NEK5: variants seen among roughly 807,000 people sequenced by gnomAD.
NEK5 encodes the protein serine/threonine-protein kinase Nek5.
Under a neutral mutation model 109.2 loss-of-function variants are expected in NEK5, and 88 were observed. That is an observed-to-expected ratio of 0.81 (90% CI 0.68 to 0.96). The LOEUF is 0.96. Among genes scored for constraint, NEK5 ranks in the 40% least tolerant of loss-of-function variants. The pLI, the probability that NEK5 is intolerant of heterozygous loss-of-function variation, is 0.00. For missense variants in NEK5, 834 were observed against 920.7 expected, an observed-to-expected ratio of 0.91 and a Z score of 1.22; for synonymous variants, 283 against 299.9, an observed-to-expected ratio of 0.94 and a Z score of 0.58.
At chr13:52,091,120 G>C (rs1372635374) in intron 13 of NEK5, among the ~76,000 whole-genome samples, 1 of 152,168 alleles carries the variant, frequency 6.6e-6, no homozygotes, top group African/African-American at 2.4e-5. Context: ...CAAAGAGGAG[G>C]GGTTACCAGG....
At chr13:52,046,079 A>AG (rs1371444108) in intron 23 of NEK5, among the ~76,000 whole-genome samples, 1 of 151,590 alleles carries the variant, frequency 6.6e-6, no homozygotes, top group African/African-American at 2.4e-5. Context: ...TCAAAAAAAA[A>AG]AAAAAAAAAG....
At chr13:52,085,309 T>C (rs1955120308) in intron 16 of NEK5, among the ~76,000 whole-genome samples, 1 of 152,214 alleles carries the variant, frequency 6.6e-6, no homozygotes, top group African/African-American at 2.4e-5. Context: ...CCCAGCCATG[T>C]GAAACTGTGC....
chr13:52,080,770 C>A (rs543599991), intron 17 of NEK5, among the ~76,000 whole-genome samples: 1 of 151,990 alleles, frequency 6.6e-6, no homozygotes, highest in African/African-American at 2.4e-5. Context: ...GCCGCAGGGT[C>A]CTCTGCCTAG....
chr13:52,053,883 C>T (rs1027729377), intron 22 of NEK5, among the ~76,000 whole-genome samples: 5 of 152,186 alleles, frequency 3.3e-5, no homozygotes, highest in Non-Finnish European at 7.3e-5. Context: ...AGGCACTTTC[C>T]TTCTACTGCA....
chr13:52,064,757 T>C lies in NEK5; in HGVS notation c.1975+727A>G, dbSNP rs1016590595. On this transcript the variant is annotated intron_variant, in intron 21 of 23. Coordinates refer to ENST00000684899, the MANE Select transcript of NEK5 (RefSeq NM_001365552.1). ...TAGAAAGAAGTAGACATGGGAGACT[T>C]TTCATTTTGTTCCGTACTAAGAAAA... The C allele has an allele frequency of 2.6e-5, 6 of 235,106 alleles. No homozygotes were observed. In the Admixed American group the frequency reaches 2.7e-4, roughly 11 times the overall value. The allele number at this position is 235,106 out of a possible 1,614,324, so 14.6% of individuals were successfully genotyped here.
At chr13:52,045,677 A>C in intron 23 of NEK5, among the ~76,000 whole-genome samples, 1 of 148,078 alleles carries the variant, frequency 6.8e-6, no homozygotes, top group African/African-American at 2.5e-5. Context: ...AGGCAGGAGA[A>C]TGGCGTGAAC....
At chr13:52,101,520 T>C (rs1222988397) in intron 11 of NEK5, among the ~76,000 whole-genome samples, 6 of 152,228 alleles carry the variant, frequency 3.9e-5, no homozygotes, top group Non-Finnish European at 8.8e-5. Flanking sequence ...TAACTTCAGC[T>C]CCAATGGTCC....
intron 7 of NEK5, among the ~76,000 whole-genome samples, chr13:52,109,512 G>A (rs951078531): frequency 6.6e-6 from 1 of 152,074 alleles, no homozygotes; most frequent in Non-Finnish European, 1.5e-5. Flanking sequence ...CTCTTGTGGG[G>A]AAAATCTACA....
Position 52,076,139 on chromosome 13 carries a change from A to T in NEK5, c.1577T>A (p.Ile526Asn). The change falls in exon 18 of 24, where the codon ATT becomes AAT. Residue 526 changes from isoleucine to asparagine, a missense_variant. Ile to Asn is a moderately radical substitution (Grantham distance 149). Coordinates refer to ENST00000684899, the MANE Select transcript of NEK5 (RefSeq NM_001365552.1). ...CCTCATTTGTTTCAAGTCTTTTTCA[A>T]TGTCCTGAAAATTTAGAGAAAAATA... ...ASEGEAPVQD[I>N]EKDLKQMRLQ... 6.4e-7 allele frequency: 1 copy of T among 1,571,876 alleles called. No homozygotes were observed. The highest frequency in any genetic ancestry group is 1.1e-5 in the South Asian group (1 of 87,792).
chr13:52,047,073 C>A (rs1289796307), intron 23 of NEK5, among the ~76,000 whole-genome samples: 1 of 151,100 alleles, frequency 6.6e-6, no homozygotes, highest in Non-Finnish European at 1.5e-5. Context: ...ATCAATTATG[C>A]AATAATCCAA....
intron 23 of NEK5, among the ~76,000 whole-genome samples, chr13:52,041,801 A>G (rs1954417266): frequency 1.3e-5 from 2 of 151,848 alleles, no homozygotes; most frequent in South Asian, 2.1e-4. Context: ...TGAAAGTACA[A>G]TTAGGTACTA....
intron 11 of NEK5, 100 bp from the exon 12 acceptor site, chr13:52,099,976 C>T (rs1262583538): frequency 2.3e-6 from 2 of 873,266 alleles, no homozygotes; most frequent in East Asian, 2.6e-5. Context: ...TTTCATAACA[C>T]AGTAAGTTTA....
intron 19 of NEK5, among the ~76,000 whole-genome samples, chr13:52,073,628 C>T (rs1954817311): frequency 1.3e-5 from 2 of 151,986 alleles, no homozygotes; most frequent in Admixed American, 6.6e-5. Flanking sequence ...GAGCACCAAA[C>T]ATTTTTCTAG....
At chr13:52,096,316 C>A (rs567868182) in intron 12 of NEK5, among the ~76,000 whole-genome samples, 1 of 152,076 alleles carries the variant, frequency 6.6e-6, no homozygotes, top group East Asian at 1.9e-4. Flanking sequence ...GTTGGAAGAG[C>A]GTGGAGGGCT....
intron 3 of NEK5, among the ~76,000 whole-genome samples, chr13:52,125,481 T>C (rs1202786012): frequency 6.6e-6 from 1 of 152,178 alleles, no homozygotes; most frequent in South Asian, 2.1e-4. Context: ...GAGAATGGCA[T>C]GAACCTGGGA....
At chr13:52,084,383 A>G (rs1955075233) in intron 16 of NEK5, among the ~76,000 whole-genome samples, 1 of 151,984 alleles carries the variant, frequency 6.6e-6, no homozygotes, top group Middle Eastern at 3.4e-3. Flanking sequence ...ATGACCCACT[A>G]ATTTTTTAAA....
At chr13:52,116,507 G>A (rs138937091) in intron 4 of NEK5, among the ~76,000 whole-genome samples, 1,733 of 152,206 alleles carry the variant, frequency 0.011, 11 homozygotes, top group Non-Finnish European at 0.018. Context: ...GCAAGTAAAT[G>A]AAATCTATAA....
intron 21 of NEK5, chr13:52,065,088 C>T (rs902695314): frequency 2.9e-5 from 7 of 245,400 alleles, no homozygotes; most frequent in Admixed American, 4.8e-5. Flanking sequence ...GCCAAATCCC[C>T]CTCTGCGAGA....
rs145706506 is a variant in NEK5 at position 52,086,427 on chromosome 13, T to C, written c.1393-64A>G. The C allele has an allele frequency of 1.7e-4, 163 of 970,630 alleles. 1 individual carries two copies. The African/African-American group carries it at 2.5e-3, about 15-fold the overall frequency. The allele number at this position is 970,630 out of a possible 1,614,324, so 60.1% of individuals were successfully genotyped here. A position where few individuals can be genotyped will look rare whatever the true frequency, so the allele number is the denominator to read the frequency against. On this transcript the variant is annotated intron_variant, in intron 15 of 23. Transcript: ENST00000684899. Reference sequence around the variant, plus strand: ...TGAACACCATAACAAAAATAATCTTTCTGCAGCCTACAATTTCAAAAGTGT... The same window carrying C: ...TGAACACCATAACAAAAATAATCTTCCTGCAGCCTACAATTTCAAAAGTGT...
Sources: allele counts gnomAD v4.1 joint callset (sites outside exome capture counted in the v4.1 genomes callset), GRCh38; gene constraint gnomAD v4.1.1; transcripts MANE v1.5; gene names NCBI Gene and HGNC (gene_info 2026-07-23, HGNC 2026-07-21).